ABCA13: variants seen among roughly 807,000 people sequenced by gnomAD.
ABCA13 encodes the protein ATP binding cassette subfamily A member 13.
ABCA13 carries 476 observed loss-of-function variants against 478.7 expected under a neutral mutation model. The observed-to-expected ratio is 0.99, with a 90% confidence interval of 0.92 to 1.07. The LOEUF is 1.07. Ranked by LOEUF, ABCA13 falls within the 50% of genes least tolerant of loss-of-function variation. ABCA13 has a pLI of 0.00. For synonymous variants in ABCA13, 2,252 were observed against 2,158.9 expected, an observed-to-expected ratio of 1.04 and a Z score of -1.20; for missense variants, 6,060 against 5,910.6, an observed-to-expected ratio of 1.03 and a Z score of -0.83.
chr7:48,543,450 C>G (rs920615527), intron 55 of ABCA13, among the ~76,000 whole-genome samples: 1 of 151,364 alleles, frequency 6.6e-6, no homozygotes, highest in Non-Finnish European at 1.5e-5. Context: ...ATGGTGAAAT[C>G]CTGTCTCTAC....
chr7:48,447,693 A>C (rs1824473336), intron 42 of ABCA13, among the ~76,000 whole-genome samples: 2 of 152,214 alleles, frequency 1.3e-5, no homozygotes, highest in African/African-American at 4.8e-5. Flanking sequence ...TCAGGAAGGC[A>C]ATACATAGAT....
intron 1 of ABCA13, among the ~76,000 whole-genome samples, chr7:48,191,557 C>T (rs1457369507): frequency 6.6e-6 from 1 of 152,172 alleles, no homozygotes; most frequent in African/African-American, 2.4e-5. Context: ...GTGTGTGCCA[C>T]CATGCCTGGC....
At chr7:48,256,981 C>T (rs1199800417) in intron 15 of ABCA13, among the ~76,000 whole-genome samples, 2 of 152,078 alleles carry the variant, frequency 1.3e-5, no homozygotes, top group African/African-American at 4.8e-5. Flanking sequence ...CCTGTGATTT[C>T]TTTGAGCAGT....
chr7:48,213,492 T>C (rs1249275916), intron 3 of ABCA13, among the ~76,000 whole-genome samples: 1 of 152,200 alleles, frequency 6.6e-6, no homozygotes, highest in Non-Finnish European at 1.5e-5. Context: ...ATCTTTTTGC[T>C]GGTAAAGATC....
intron 48 of ABCA13, among the ~76,000 whole-genome samples, chr7:48,496,853 T>C (rs1040674401): frequency 2.0e-5 from 3 of 151,298 alleles, no homozygotes; most frequent in Non-Finnish European, 3.0e-5. Flanking sequence ...CTTTAAAGAA[T>C]TTTTTTTGTT....
chr7:48,521,040 T>C (rs929806356), intron 53 of ABCA13, among the ~76,000 whole-genome samples: 53 of 142,978 alleles, frequency 3.7e-4, no homozygotes, highest in African/African-American at 1.4e-3. Flanking sequence ...CATGTAGATA[T>C]ATAATGTGGT....
At chr7:48,525,684 T>TC in intron 54 of ABCA13, among the ~76,000 whole-genome samples, 1 of 149,838 alleles carries the variant, frequency 6.7e-6, no homozygotes, top group Admixed American at 6.6e-5. Context: ...TTTTTTTTTT[T>TC]TTTTTTTTTG....
chr7:48,542,846 T>C (rs975696594), intron 55 of ABCA13, among the ~76,000 whole-genome samples: 4 of 151,752 alleles, frequency 2.6e-5, no homozygotes, highest in African/African-American at 9.7e-5. Flanking sequence ...CAAGAATAAA[T>C]AGATGGGTCT....
intron 13 of ABCA13, 87 bp from the exon 14 acceptor site, chr7:48,248,152 T>C (rs1791986962): frequency 1.8e-6 from 2 of 1,103,008 alleles, no homozygotes; most frequent in South Asian, 1.6e-5. Context: ...ACCCCTTGTT[T>C]AGTGATACAG....
At chr7:48,325,908 T>G (rs574938535) in intron 27 of ABCA13, among the ~76,000 whole-genome samples, 1 of 152,282 alleles carries the variant, frequency 6.6e-6, no homozygotes, top group Admixed American at 6.5e-5. Flanking sequence ...AGAAAATCAC[T>G]GAGGTGAGTG....
At chr7:48,606,143 G>A (rs1791442440) in intron 58 of ABCA13, among the ~76,000 whole-genome samples, 1 of 152,084 alleles carries the variant, frequency 6.6e-6, no homozygotes, top group South Asian at 2.1e-4. Flanking sequence ...TAGCTTCCTT[G>A]CATTGGGTTA....
intron 29 of ABCA13, among the ~76,000 whole-genome samples, chr7:48,350,411 T>G (rs1808775918): frequency 6.6e-6 from 1 of 152,214 alleles, no homozygotes; most frequent in South Asian, 2.1e-4. Context: ...ACTGTTTTTT[T>G]TTCATGTACA....
At chr7:48,338,517 G>C in intron 29 of ABCA13, 62 bp downstream of exon 29, 1 of 1,355,300 alleles carries the variant, frequency 7.4e-7, no homozygotes. Flanking sequence ...ACTTGGGTGG[G>C]TCCTCCCCCT....
chr7:48,567,603 A>G (rs757833038), intron 55 of ABCA13, among the ~76,000 whole-genome samples: 1 of 152,076 alleles, frequency 6.6e-6, no homozygotes, highest in Non-Finnish European at 1.5e-5. Flanking sequence ...CAACTTAAAC[A>G]TTGAGTATAT....
At position 48,435,399 on chromosome 7, in the gene ABCA13, G is replaced by GTGTTTATGTGTATGTGTTTA. The variant is rs1341299013; in HGVS notation, c.12565+7543_12565+7544insGTTTATGTTTATGTGTATGT. 6.5e-4 allele frequency among the ~76,000 whole-genome samples: 98 copies of GTGTTTATGTGTATGTGTTTA among 151,840 alleles called. 2 individuals carry two copies. Among genetic ancestry groups the GTGTTTATGTGTATGTGTTTA allele is most frequent in the Non-Finnish European group, 1.0e-3 (68 of 67,706 alleles). ...ATTTGTTTATGAGTACTAACATTTT[G>GTGTTTATGTGTATGTGTTTA]TGTTTATGTGTATGTATGTGTATTT... On this transcript the variant is annotated intron_variant, in intron 42 of 61. Transcript: ENST00000435803.
chr7:48,556,120 C>A (rs559500111), intron 55 of ABCA13, among the ~76,000 whole-genome samples: 4 of 151,696 alleles, frequency 2.6e-5, no homozygotes, highest in South Asian at 2.1e-4. Flanking sequence ...TTCCAAAATT[C>A]TTCTTGTTCT....
intron 21 of ABCA13, among the ~76,000 whole-genome samples, chr7:48,296,733 A>G (rs1405601833): frequency 1.3e-5 from 2 of 152,142 alleles, no homozygotes; most frequent in Admixed American, 6.5e-5. Flanking sequence ...AAGTGCTGGG[A>G]TTACAGGCTG....
intron 3 of ABCA13, among the ~76,000 whole-genome samples, chr7:48,215,567 A>G (rs1786329579): frequency 6.6e-6 from 1 of 152,174 alleles, no homozygotes; most frequent in African/African-American, 2.4e-5. Flanking sequence ...TGAACCTTCA[A>G]TTTGTGAAAA....
intron 9 of ABCA13, among the ~76,000 whole-genome samples, chr7:48,240,316 A>C (rs1790631473): frequency 6.6e-6 from 1 of 152,196 alleles, no homozygotes; most frequent in African/African-American, 2.4e-5. Flanking sequence ...AACATAACTC[A>C]TGGTTAATTA....
Sources: allele counts gnomAD v4.1 joint callset (sites outside exome capture counted in the v4.1 genomes callset), GRCh38; gene constraint gnomAD v4.1.1; transcripts MANE v1.5; gene names NCBI Gene and HGNC (gene_info 2026-07-23, HGNC 2026-07-21).